FBXO3: variants seen among roughly 807,000 people sequenced by gnomAD.
The protein encoded by FBXO3 is F-box only protein 3.
In FBXO3, 17 loss-of-function variants were observed where a neutral mutation model predicts 64.8. The ratio of observed to expected loss-of-function variants is 0.26; its 90% confidence interval spans 0.18 to 0.39. The LOEUF (loss-of-function observed/expected upper bound fraction) is 0.39, where lower values mean the gene tolerates loss of function less well. Among genes scored for constraint, FBXO3 ranks in the 10% least tolerant of loss-of-function variants. The pLI is 1.00. For missense variants in FBXO3, 420 were observed against 589.9 expected (o/e 0.71, Z 2.98); for synonymous variants, 182 against 201.6 (o/e 0.90, Z 0.82).
At chr11:33,753,878 C>T (rs1522085) in intron 6 of FBXO3, 100,098 of 152,044 alleles carry the variant, frequency 0.66, 33,143 homozygotes, top group Middle Eastern at 0.71. Context: ...CAAGCCAAGA[C>T]GGGATAAATA....
chr11:33,760,343 G>A (rs7116243), intron 3 of FBXO3, among the ~76,000 whole-genome samples: 100,078 of 152,036 alleles, frequency 0.66, 33,143 homozygotes, highest in Middle Eastern at 0.71. Context: ...TAAATTCTCT[G>A]CAGAAACAAT....
intron 2 of FBXO3, among the ~76,000 whole-genome samples, chr11:33,770,230 A>C (rs1564996019): frequency 6.6e-6 from 1 of 152,200 alleles, no homozygotes; most frequent in Non-Finnish European, 1.5e-5. Context: ...TTTAAATAAT[A>C]TGCTTAAACC....
At chr11:33,770,852 G>A (rs766723284) in intron 1 of FBXO3, 22 bp from the exon 2 acceptor site, 12 of 1,529,270 alleles carry the variant, frequency 7.8e-6, no homozygotes, top group East Asian at 6.8e-5. Context: ...CAGATTCACC[G>A]ATAGTATTTA....
chr11:33,747,226 G>C lies in FBXO3; in HGVS notation c.1143C>G (p.Thr381=). The change falls in exon 10 of 11, where the codon ACC becomes ACG. Residue 381 remains threonine (T), a synonymous_variant. Coordinates refer to ENST00000265651, the MANE Select transcript of FBXO3 (RefSeq NM_012175.4). ...TTSGYMEGYY[T]FHFLYFKDKI... Reference sequence around the variant, plus strand: ...TGTCTTTAAAGTAAAGAAAATGGAAGGTATAATATCCTTCCATGTATCCTG... The same window carrying C: ...TGTCTTTAAAGTAAAGAAAATGGAACGTATAATATCCTTCCATGTATCCTG... 6.2e-7 allele frequency: 1 copy of C among 1,611,944 alleles called. No homozygotes were observed. The highest frequency in any genetic ancestry group is 8.5e-7 in the Non-Finnish European group (1 of 1,179,440).
At chr11:33,770,354 C>T (rs1855481947) in intron 2 of FBXO3, among the ~76,000 whole-genome samples, 7 of 152,222 alleles carry the variant, frequency 4.6e-5, no homozygotes, top group Admixed American at 4.6e-4. Flanking sequence ...TTTCTGTCAT[C>T]TGTACTTTGA....
intron 1 of FBXO3, chr11:33,772,705 G>A (rs998258860): frequency 2.0e-5 from 3 of 152,136 alleles, no homozygotes; most frequent in Admixed American, 1.3e-4. Flanking sequence ...TTGCAATTAT[G>A]CGCTTGCCCA....
intron 5 of FBXO3, 65 bp from the exon 6 acceptor site, chr11:33,754,565 C>G: frequency 7.2e-7 from 1 of 1,391,758 alleles, no homozygotes; most frequent in Non-Finnish European, 9.8e-7. Context: ...TGTTCATTAT[C>G]TGTATCTTTC....
chr11:33,752,224 G>A (rs1854979375), intron 6 of FBXO3, among the ~76,000 whole-genome samples: 1 of 152,150 alleles, frequency 6.6e-6, no homozygotes, highest in South Asian at 2.1e-4. Context: ...AGGATTACTG[G>A]AACAGTCTAG....
intron 2 of FBXO3, among the ~76,000 whole-genome samples, chr11:33,770,071 AT>A (rs1464667940): frequency 6.6e-6 from 1 of 152,126 alleles, no homozygotes; most frequent in African/African-American, 2.4e-5. Flanking sequence ...CTAATTCTTG[AT>A]TTATCAACTT....
intron 3 of FBXO3, among the ~76,000 whole-genome samples, chr11:33,768,635 C>T (rs1855432664): frequency 6.6e-6 from 1 of 152,192 alleles, no homozygotes; most frequent in Non-Finnish European, 1.5e-5. Context: ...TCAGCTTTCC[C>T]TTCTGATAAA....
At chr11:33,742,284 C>T (rs143644777) in intron 10 of FBXO3, 200 bp from the exon 11 acceptor site, 246 of 390,500 alleles carry the variant, frequency 6.3e-4, no homozygotes, top group African/African-American at 4.6e-3. Flanking sequence ...TTAAATAATG[C>T]TCAGTGTGAT....
At chr11:33,751,376 T>C (rs1020392648) in intron 7 of FBXO3, 147 bp downstream of exon 7, 1 of 571,176 alleles carries the variant, frequency 1.8e-6, no homozygotes, top group African/African-American at 2.0e-5. Flanking sequence ...AATAAAATAG[T>C]GAGACTGAAG....
At chr11:33,747,088 A>G in intron 10 of FBXO3, 42 bp downstream of exon 10, 1 of 1,606,568 alleles carries the variant, frequency 6.2e-7, no homozygotes, top group East Asian at 2.2e-5. Context: ...TGTTAACCCT[A>G]CAAAGTCATG....
chr11:33,752,370 T>G (rs1854982953), intron 6 of FBXO3, among the ~76,000 whole-genome samples: 1 of 152,232 alleles, frequency 6.6e-6, no homozygotes, highest in Non-Finnish European at 1.5e-5. Context: ...TACATCTCAG[T>G]GCCTGGAATG....
intron 4 of FBXO3, among the ~76,000 whole-genome samples, chr11:33,757,656 T>TAA (rs1170445394): frequency 4.2e-4 from 10 of 23,976 alleles, no homozygotes; most frequent in East Asian, 2.1e-3. Flanking sequence ...CACCATCTCT[T>TAA]AAAAAAAAAA....
intron 6 of FBXO3, 89 bp from the exon 7 acceptor site, chr11:33,751,696 A>C: frequency 1.5e-6 from 1 of 666,292 alleles, no homozygotes; most frequent in East Asian, 2.9e-5. Flanking sequence ...TCTATGCTTT[A>C]GAATGTGATA....
intron 6 of FBXO3, chr11:33,754,195 A>G (rs1399474148): frequency 5.7e-6 from 2 of 349,836 alleles, no homozygotes; most frequent in Non-Finnish European, 1.0e-5. Context: ...GCACTTCTAC[A>G]TATTTCATTG....
chr11:33,766,610 T>A (rs1482755377), intron 3 of FBXO3, among the ~76,000 whole-genome samples: 4 of 152,226 alleles, frequency 2.6e-5, no homozygotes, highest in Admixed American at 2.6e-4. Flanking sequence ...AAGGTAAATA[T>A]GAGATTTGAA....
chr11:33,769,247 T>A (rs1855451808), intron 2 of FBXO3, among the ~76,000 whole-genome samples: 1 of 151,894 alleles, frequency 6.6e-6, no homozygotes, highest in African/African-American at 2.4e-5. Context: ...TTTCTACTTA[T>A]TTTTTTTCAG....
Sources: allele counts gnomAD v4.1 joint callset (sites outside exome capture counted in the v4.1 genomes callset), GRCh38; gene constraint gnomAD v4.1.1; transcripts MANE v1.5; gene names NCBI Gene and HGNC (gene_info 2026-07-23, HGNC 2026-07-21).